The following CNNM2 variants were observed in gnomAD, a reference collection of about 807,000 sequenced individuals.
The protein encoded by CNNM2 is metal transporter CNNM2.
In CNNM2, 12 loss-of-function variants were observed where a neutral mutation model predicts 66.9. That is an observed-to-expected ratio of 0.18 (90% CI 0.11 to 0.29). The LOEUF (loss-of-function observed/expected upper bound fraction) is 0.29. Ranked by LOEUF, CNNM2 falls within the 10% of genes least tolerant of loss-of-function variation. CNNM2 has a pLI of 1.00. For missense variants in CNNM2, 705 were observed against 1,167.7 expected (o/e 0.60, Z 5.77); for synonymous variants, 557 against 501.8 (o/e 1.11, Z -1.47).
chr10:102,974,554 T>C (rs2063594398), intron 1 of CNNM2, among the ~76,000 whole-genome samples: 1 of 151,892 alleles, frequency 6.6e-6, no homozygotes, highest in South Asian at 2.1e-4. Context: ...ATATCTAGAA[T>C]TGGGGGAGAT....
chr10:103,038,088 C>T (rs1240631871), intron 1 of CNNM2, among the ~76,000 whole-genome samples: 4 of 152,132 alleles, frequency 2.6e-5, no homozygotes, highest in Admixed American at 2.0e-4. Flanking sequence ...CATTTGCGCA[C>T]CTTAGCCTCC....
At chr10:103,015,952 T>C (rs149721012) in intron 1 of CNNM2, among the ~76,000 whole-genome samples, 1 of 152,318 alleles carries the variant, frequency 6.6e-6, no homozygotes, top group African/African-American at 2.4e-5. Context: ...CAGGCCTGGC[T>C]GGATTTTAAT....
At position 103,088,197 on chromosome 10, in the gene CNNM2, A is replaced by G. The variant is rs1218095222; in HGVS notation, c.*11017A>G. ...TATTGAATTCTGGAGCAGCTAATCT[A>G]CCCTCCCCTATTGACCAATGACAAG... On this transcript the variant is annotated 3_prime_UTR_variant, in exon 8 of 8. Coordinates refer to ENST00000369878, the MANE Select transcript of CNNM2 (RefSeq NM_017649.5). The G allele has an allele frequency of 2.6e-5, 4 of 152,170 alleles. No individual in the cohort carries two copies. Among genetic ancestry groups the G allele is most frequent in the Non-Finnish European group, 5.9e-5 (4 of 68,038 alleles). The allele number at this position is 152,170 out of a possible 1,614,324, so 9.4% of individuals were successfully genotyped here.
Position 102,927,254 on chromosome 10 carries a change from A to C in CNNM2, c.1621+7153A>C. 1.9e-6 allele frequency: 3 copies of C among 1,538,730 alleles called. No homozygotes were observed. In the Admixed American group the frequency reaches 5.4e-5, roughly 28 times the overall value. The stretch of plus-strand genomic sequence containing the variant: ...AAGATTTGCTTGACATATAAAGAGT[A>C]CTATTAAACTCAAACATGTGGAAGT... On this transcript the variant is annotated intron_variant, in intron 1 of 7. Transcript: ENST00000369878.
At chr10:102,976,660 G>GTTTTTTTTTTTTTT (rs1412292791) in intron 1 of CNNM2, among the ~76,000 whole-genome samples, 1 of 117,026 alleles carries the variant, frequency 8.5e-6, no homozygotes, top group Non-Finnish European at 1.7e-5. Flanking sequence ...TAGAGACAGG[G>GTTTTTTTTTTTTTT]TTTTACCATG....
At chr10:103,023,487 T>C (rs900350315) in intron 1 of CNNM2, among the ~76,000 whole-genome samples, 2 of 152,084 alleles carry the variant, frequency 1.3e-5, no homozygotes, top group African/African-American at 4.8e-5. Context: ...GGCGGAGATT[T>C]TGGTGAGCCG....
Position 103,083,356 on chromosome 10 carries a change from A to G in CNNM2, c.*6176A>G, listed in dbSNP as rs182008345. 6.6e-6 allele frequency: 1 copy of G among 152,264 alleles called. No homozygotes were observed. Among genetic ancestry groups the G allele is most frequent in the East Asian group, 1.9e-4 (1 of 5,184 alleles). The allele number at this position is 152,264 out of a possible 1,614,324, so 9.4% of individuals were successfully genotyped here. The stretch of plus-strand genomic sequence containing the variant: ...TTTTACAAGGTTTTTGTTTATTTCT[A>G]TTCTATTTAGATAAATGATGTTCTG... On this transcript the variant is annotated 3_prime_UTR_variant, in exon 8 of 8. Transcript: ENST00000369878.
At chr10:103,040,700 G>T (rs1221143736) in intron 1 of CNNM2, among the ~76,000 whole-genome samples, 1 of 152,146 alleles carries the variant, frequency 6.6e-6, no homozygotes, top group African/African-American at 2.4e-5. Context: ...CAGGTGTGCA[G>T]ATAACAAGCT....
intron 1 of CNNM2, among the ~76,000 whole-genome samples, chr10:102,992,563 C>T (rs1490584601): frequency 5.3e-5 from 8 of 151,998 alleles, no homozygotes; most frequent in East Asian, 3.9e-4. Flanking sequence ...TGTGAGCCAC[C>T]GTGCCCGGCC....
intron 1 of CNNM2, among the ~76,000 whole-genome samples, chr10:103,000,723 G>A (rs564319793): frequency 2.0e-5 from 3 of 152,140 alleles, no homozygotes; most frequent in Non-Finnish European, 4.4e-5. Context: ...GGGATTACAG[G>A]TATGTACTAC....
At chr10:103,012,508 C>T (rs1413009641) in intron 1 of CNNM2, among the ~76,000 whole-genome samples, 3 of 151,902 alleles carry the variant, frequency 2.0e-5, no homozygotes, top group Admixed American at 1.3e-4. Context: ...ATTATCCAGG[C>T]GTGGTGGTGG....
chr10:103,082,522 T>A lies in CNNM2; in HGVS notation c.*5342T>A, dbSNP rs1393916744. 2 of 152,238 alleles carry A rather than the reference T, an allele frequency of 1.3e-5. No homozygotes were observed. Among genetic ancestry groups the A allele is most frequent in the Non-Finnish European group, 2.9e-5 (2 of 68,042 alleles). 9.4% of individuals were successfully genotyped at this position (152,238 alleles called of 1,614,324 possible). A position where few individuals can be genotyped will look rare whatever the true frequency, so the allele number is the denominator to read the frequency against. On this transcript the variant is annotated 3_prime_UTR_variant, in exon 8 of 8. Transcript: ENST00000369878. ...TGTTTGAGTCCTTTAAACCCACAAATGTATATGCTTTATTTTATATTATTT... is the reference window on the plus strand; with the variant it reads ...TGTTTGAGTCCTTTAAACCCACAAAAGTATATGCTTTATTTTATATTATTT...
chr10:103,024,135 A>G (rs1350499969), intron 1 of CNNM2, among the ~76,000 whole-genome samples: 1 of 152,144 alleles, frequency 6.6e-6, no homozygotes, highest in Non-Finnish European at 1.5e-5. Context: ...AGATTTTTGC[A>G]TTGCATTGTG....
chr10:103,039,433 G>A (rs2065000626), intron 1 of CNNM2, among the ~76,000 whole-genome samples: 1 of 152,120 alleles, frequency 6.6e-6, no homozygotes, highest in Non-Finnish European at 1.5e-5. Flanking sequence ...GATTGCGCCT[G>A]GCCTCTAATA....
chr10:102,941,011 G>T (rs1846412976), intron 1 of CNNM2, among the ~76,000 whole-genome samples: 1 of 151,690 alleles, frequency 6.6e-6, no homozygotes. Context: ...ATATGAATTT[G>T]TACTCTTTTC....
intron 7 of CNNM2, among the ~76,000 whole-genome samples, 178 bp from the exon 8 acceptor site, chr10:103,076,793 A>G (rs916915793): frequency 6.6e-6 from 1 of 152,224 alleles, no homozygotes; most frequent in Non-Finnish European, 1.5e-5. Context: ...TTACATCAGT[A>G]AGAACTGACT....
intron 4 of CNNM2, among the ~76,000 whole-genome samples, chr10:103,067,114 T>G (rs2065492396): frequency 6.6e-6 from 1 of 151,420 alleles, no homozygotes. Flanking sequence ...TTTTTTTTTC[T>G]TTGAGACAGG....
chr10:103,030,364 A>G (rs2064800086), intron 1 of CNNM2, among the ~76,000 whole-genome samples: 1 of 152,216 alleles, frequency 6.6e-6, no homozygotes, highest in Non-Finnish European at 1.5e-5. Context: ...TAGGTACATT[A>G]GAAGTAATGA....
Position 103,089,327 on chromosome 10 carries a change from T to C in CNNM2, c.*12147T>C, listed in dbSNP as rs2066115353. On this transcript the variant is annotated 3_prime_UTR_variant, in exon 8 of 8. Transcript: ENST00000369878. ...CACCTCTTCCCACTCTTTGTTCCAC[T>C]CTGAGACTCTTTCCTTTTCCTCGTG... 4.0e-6 allele frequency: 1 copy of C among 252,192 alleles called. No individual in the cohort carries two copies. The allele number at this position is 252,192 out of a possible 1,614,324, so 15.6% of individuals were successfully genotyped here.
Sources: gnomAD v4.1 joint callset for allele counts (sites outside exome capture counted in the v4.1 genomes callset) on GRCh38, gnomAD v4.1.1 for gene constraint, MANE v1.5 for transcripts, NCBI Gene and HGNC (gene_info 2026-07-23, HGNC 2026-07-21) for gene names.